Variants in SLC38A12 observed in about 807,000 individuals in gnomAD.
SLC38A12 encodes putative sodium-coupled neutral amino acid transporter 12.
chr17:74,777,456 C>A, the SLC38A12 span: 1 of 1,597,890 alleles, frequency 6.3e-7, no homozygotes, highest in Non-Finnish European at 8.6e-7. Flanking sequence ...GGAGATGGGA[C>A]TAGTGAGTGC....
the SLC38A12 span, among the ~76,000 whole-genome samples, chr17:74,826,031 G>A: frequency 6.6e-6 from 1 of 152,224 alleles, no homozygotes; most frequent in Non-Finnish European, 1.5e-5. Context: ...GCAGCCTGCA[G>A]GAAAGGTGAC....
At chr17:74,795,905 T>C in the SLC38A12 span, among the ~76,000 whole-genome samples, 1 of 152,216 alleles carries the variant, frequency 6.6e-6, no homozygotes, top group Non-Finnish European at 1.5e-5. Context: ...CCGTGACTGT[T>C]GTAAACTTAG....
the SLC38A12 span, among the ~76,000 whole-genome samples, chr17:74,799,715 C>T: frequency 6.6e-6 from 1 of 152,190 alleles, no homozygotes; most frequent in Non-Finnish European, 1.5e-5. Context: ...TGTTTTTTCT[C>T]GCTCTGCCAG....
At chr17:74,836,291 C>G in the SLC38A12 span, 1 of 1,612,646 alleles carries the variant, frequency 6.2e-7, no homozygotes, top group Non-Finnish European at 8.5e-7. This position sits in a 1 kb window ranked among gnomAD's most constrained non-coding sequence, Gnocchi z 4.2. Context: ...TCTTCACCAT[C>G]AGCACCAACT....
the SLC38A12 span, among the ~76,000 whole-genome samples, chr17:74,809,859 G>A: frequency 6.6e-6 from 1 of 152,216 alleles, no homozygotes; most frequent in African/African-American, 2.4e-5. Context: ...TCTGAGCAGA[G>A]GTAGCGCAGG....
the SLC38A12 span, among the ~76,000 whole-genome samples, chr17:74,789,163 C>T: frequency 1.6e-3 from 249 of 152,290 alleles, no homozygotes; most frequent in African/African-American, 5.6e-3. Flanking sequence ...TTCCCGAGTG[C>T]GTCTCTGCCA....
At chr17:74,777,382 G>A in the SLC38A12 span, 4 of 1,614,228 alleles carry the variant, frequency 2.5e-6, no homozygotes, top group Non-Finnish European at 3.4e-6. Flanking sequence ...CTACGTGAGT[G>A]TGACTTATAG....
At chr17:74,791,624 C>T in the SLC38A12 span, among the ~76,000 whole-genome samples, 790 of 152,376 alleles carry the variant, frequency 5.2e-3, 5 homozygotes, top group Non-Finnish European at 8.5e-3. Context: ...ATCTGCTATG[C>T]GCACGCCTGG....
the SLC38A12 span, among the ~76,000 whole-genome samples, chr17:74,815,067 G>A: frequency 1.3e-5 from 2 of 152,074 alleles, no homozygotes; most frequent in Non-Finnish European, 2.9e-5. Context: ...ATTTGAGGAC[G>A]GGGTGTCAGA....
At chr17:74,818,033 A>G in the SLC38A12 span, among the ~76,000 whole-genome samples, 17 of 152,226 alleles carry the variant, frequency 1.1e-4, no homozygotes, top group East Asian at 3.3e-3. Context: ...CTCCCTCTTC[A>G]TCCTTCAAAA....
the SLC38A12 span, among the ~76,000 whole-genome samples, chr17:74,779,841 G>T: frequency 1.3e-5 from 2 of 152,196 alleles, no homozygotes; most frequent in Non-Finnish European, 2.9e-5. Context: ...TTCCAAGGAT[G>T]TTCGCTTTAG....
the SLC38A12 span, chr17:74,837,504 G>A: frequency 2.0e-6 from 2 of 985,470 alleles, no homozygotes; most frequent in Non-Finnish European, 2.4e-6. Flanking sequence ...CTACTAGAGG[G>A]AAGCCATCCC....
the SLC38A12 span, among the ~76,000 whole-genome samples, chr17:74,824,544 G>A: frequency 1.1e-4 from 17 of 152,240 alleles, no homozygotes; most frequent in South Asian, 1.0e-3. Flanking sequence ...GCCTGCAGGC[G>A]CCTCCCATGA....
the SLC38A12 span, among the ~76,000 whole-genome samples, chr17:74,827,214 C>T: frequency 6.6e-6 from 1 of 151,982 alleles, no homozygotes; most frequent in African/African-American, 2.4e-5. The surrounding 1 kb of genome is among the most constrained non-coding windows in gnomAD (Gnocchi z 4.7). Context: ...GTGCAGCTTC[C>T]TGAGCGATTG....
At chr17:74,794,825 C>T in the SLC38A12 span, among the ~76,000 whole-genome samples, 1 of 152,220 alleles carries the variant, frequency 6.6e-6, no homozygotes, top group African/African-American at 2.4e-5. Flanking sequence ...GTCAGCATCA[C>T]AGTGTAGCCA....
the SLC38A12 span, chr17:74,819,729 A>C: frequency 6.2e-7 from 1 of 1,611,484 alleles, no homozygotes; most frequent in Non-Finnish European, 8.5e-7. Flanking sequence ...CACCCTCCTC[A>C]CTCTTGTTTC....
At chr17:74,836,303 C>A in the SLC38A12 span, 2 of 1,612,674 alleles carry the variant, frequency 1.2e-6, no homozygotes, top group African/African-American at 1.3e-5. This position sits in a 1 kb window ranked among gnomAD's most constrained non-coding sequence, Gnocchi z 4.2. Context: ...GCACCAACTT[C>A]CCCATCATTG....
the SLC38A12 span, among the ~76,000 whole-genome samples, chr17:74,801,728 A>T: frequency 6.6e-6 from 1 of 152,190 alleles, no homozygotes; most frequent in Non-Finnish European, 1.5e-5. Context: ...GTGACCTCAA[A>T]GGATTAGCTT....
the SLC38A12 span, among the ~76,000 whole-genome samples, chr17:74,812,247 C>T: frequency 3.9e-5 from 6 of 152,006 alleles, no homozygotes; most frequent in African/African-American, 1.2e-4. Flanking sequence ...TGAAAGCTCT[C>T]GCAGTTAGAA....
Sources: allele counts gnomAD v4.1 joint callset (sites outside exome capture counted in the v4.1 genomes callset), GRCh38; gene constraint gnomAD v4.1.1; non-coding constraint Gnocchi (gnomAD v3.1); transcripts MANE v1.5; gene names NCBI Gene and HGNC (gene_info 2026-07-23, HGNC 2026-07-21).